KCNB2: variants seen among roughly 807,000 people sequenced by gnomAD.
KCNB2 encodes potassium voltage-gated channel subfamily B member 2, also known as delayed rectifier potassium channel protein.
KCNB2 carries 15 observed loss-of-function variants against 61.5 expected under a neutral mutation model. That is an observed-to-expected ratio of 0.24 (90% confidence interval 0.16 to 0.38). The LOEUF (loss-of-function observed/expected upper bound fraction) is 0.38. KCNB2 is among the 10% of genes least tolerant of loss of function. The pLI is 1.00. For synonymous variants in KCNB2, 457 were observed against 446.0 expected (o/e 1.02, Z -0.31); for missense variants, 828 against 1,125.2 (o/e 0.74, Z 3.78).
intron 2 of KCNB2, among the ~76,000 whole-genome samples, chr8:72,929,738 G>C (rs1014040743): frequency 6.6e-6 from 1 of 152,078 alleles, no homozygotes; most frequent in Non-Finnish European, 1.5e-5. Context: ...CCAACATCAC[G>C]CAGTTAATTG....
chr8:72,898,451 GAAA>G, intron 2 of KCNB2, among the ~76,000 whole-genome samples: 1 of 149,490 alleles, frequency 6.7e-6, no homozygotes, highest in African/African-American at 2.5e-5. Context: ...TTTAAAAAAA[GAAA>G]AAAAAACATT....
intron 2 of KCNB2, among the ~76,000 whole-genome samples, chr8:72,795,004 G>A (rs188272812): frequency 2.0e-5 from 3 of 152,220 alleles, no homozygotes; most frequent in Non-Finnish European, 1.5e-5. Context: ...TACTGGTAAT[G>A]ACAATAAGAT....
At chr8:72,724,071 C>T (rs1807593830) in intron 2 of KCNB2, among the ~76,000 whole-genome samples, 1 of 152,154 alleles carries the variant, frequency 6.6e-6, no homozygotes, top group African/African-American at 2.4e-5. Flanking sequence ...TTTCAGAGTA[C>T]CTTCCTCATA....
chr8:72,785,164 T>C (rs1808826950), intron 2 of KCNB2, among the ~76,000 whole-genome samples: 1 of 152,130 alleles, frequency 6.6e-6, no homozygotes, highest in Non-Finnish European at 1.5e-5. Context: ...ATAACCTAAA[T>C]CCACAAATAA....
chr8:72,688,925 C>A (rs998419673), intron 2 of KCNB2, among the ~76,000 whole-genome samples: 2 of 152,072 alleles, frequency 1.3e-5, no homozygotes, highest in African/African-American at 2.4e-5. Context: ...AGACGGGTTT[C>A]ACCACGTTGG....
At chr8:72,859,497 C>A (rs930302925) in intron 2 of KCNB2, among the ~76,000 whole-genome samples, 6 of 151,910 alleles carry the variant, frequency 3.9e-5, no homozygotes, top group African/African-American at 1.5e-4. Context: ...AACTCTGTAT[C>A]CCTTAGCCAT....
chr8:72,563,881 G>T (rs1012238850), intron 1 of KCNB2, among the ~76,000 whole-genome samples: 2 of 152,146 alleles, frequency 1.3e-5, no homozygotes, highest in African/African-American at 2.4e-5. Flanking sequence ...AGAACATTCT[G>T]CCCAGGGAGA....
chr8:72,925,819 G>T (rs1585979689), intron 2 of KCNB2, among the ~76,000 whole-genome samples: 1 of 152,136 alleles, frequency 6.6e-6, no homozygotes, highest in East Asian at 1.9e-4. Flanking sequence ...ACTATTCACA[G>T]TAGCAAAGAC....
At position 72,936,300 on chromosome 8, in the gene KCNB2, C is replaced by T. The variant is rs556315875; in HGVS notation, c.945C>T (p.Ala315=). ...GCATCCTCAGGATCCTGAAACTCGC[C>T]AGGCATTCGACAGGCCTGCAGTCTC... is the stretch of plus-strand genomic sequence containing the variant. ...IMRILRILKL[A]RHSTGLQSLG... Residue 315 remains alanine, a synonymous_variant, in exon 3 of 3, where the codon GCC becomes GCT. Coordinates refer to ENST00000523207, the MANE Select transcript of KCNB2 (RefSeq NM_004770.3). The surrounding 1 kb of genome is among the most constrained non-coding windows in gnomAD (Gnocchi z 5.6). The T allele has an allele frequency of 4.3e-6, 7 of 1,614,116 alleles. No individual in the cohort carries two copies. The highest frequency in any genetic ancestry group is 5.9e-6 in the Non-Finnish European group (7 of 1,180,044).
At chr8:72,692,235 C>CAA (rs34131843) in intron 2 of KCNB2, among the ~76,000 whole-genome samples, 67 of 77,524 alleles carry the variant, frequency 8.6e-4, no homozygotes, top group East Asian at 2.1e-3. Flanking sequence ...GACTCTGTCT[C>CAA]AAAAAAAAAA....
chr8:72,840,641 C>A (rs1232274244), intron 2 of KCNB2, among the ~76,000 whole-genome samples: 1 of 152,206 alleles, frequency 6.6e-6, no homozygotes, highest in East Asian at 1.9e-4. Flanking sequence ...TTTTGATTTG[C>A]ATTTCTCTAA....
chr8:72,634,682 G>A (rs1805937074), intron 2 of KCNB2, among the ~76,000 whole-genome samples: 1 of 152,182 alleles, frequency 6.6e-6, no homozygotes, highest in African/African-American at 2.4e-5. Flanking sequence ...GAACAACCAT[G>A]AAGAATGCCA....
chr8:72,677,873 A>T (rs13267872), intron 2 of KCNB2, among the ~76,000 whole-genome samples: 64,448 of 152,072 alleles, frequency 0.42, 15,559 homozygotes, highest in Non-Finnish European at 0.56. Context: ...TCATTCTTAA[A>T]TTAAAACATC....
At chr8:72,839,925 T>TA (rs747681246) in intron 2 of KCNB2, among the ~76,000 whole-genome samples, 25 of 151,576 alleles carry the variant, frequency 1.6e-4, no homozygotes, top group Admixed American at 2.6e-4. Context: ...TTTTTTTTTT[T>TA]AATACTTTAA....
At chr8:72,748,648 G>C (rs1374212517) in intron 2 of KCNB2, among the ~76,000 whole-genome samples, 1 of 138,930 alleles carries the variant, frequency 7.2e-6, no homozygotes, top group African/African-American at 2.7e-5. Flanking sequence ...CAAAAACCAT[G>C]GAGTTTTATT....
chr8:72,539,519 A>G (rs2128976284), intron 1 of KCNB2, among the ~76,000 whole-genome samples: 1 of 152,330 alleles, frequency 6.6e-6, no homozygotes, highest in East Asian at 1.9e-4. Context: ...TTTTGGAGAA[A>G]GAACTTGGCA....
chr8:72,937,543 C>A lies in KCNB2; in HGVS notation c.2188C>A (p.Pro730Thr), dbSNP rs1806946003. Residue 730 changes from proline to threonine, a missense_variant, in exon 3 of 3, where the codon CCG becomes ACG. Transcript: ENST00000523207. ...KENRGSAPQT[P>T]PSTARPLPVT... ...AAATAGAGGCAGTGCACCACAGACC[C>A]CGCCCAGCACAGCCAGGCCACTGCC... is the stretch of plus-strand genomic sequence containing the variant. 1 of 1,613,804 alleles carries A rather than the reference C, an allele frequency of 6.2e-7. No individual in the cohort carries two copies. The highest frequency in any genetic ancestry group is 8.5e-7 in the Non-Finnish European group (1 of 1,179,942).
At chr8:72,803,692 A>T (rs528449760) in intron 2 of KCNB2, among the ~76,000 whole-genome samples, 53 of 152,280 alleles carry the variant, frequency 3.5e-4, no homozygotes, top group African/African-American at 1.3e-3. Flanking sequence ...GTATCCCAAG[A>T]TTAGTTTTGG....
chr8:72,568,115 G>A lies in KCNB2; in HGVS notation c.381G>A (p.Gly127=), dbSNP rs1204626956. Residue 127 remains glycine, a synonymous_variant, in exon 2 of 3, where the codon GGG becomes GGA. Coordinates refer to ENST00000523207, the MANE Select transcript of KCNB2 (RefSeq NM_004770.3). ...LSFGQELDYW[G]IDEIYLESCC... is the part of the protein sequence containing the mutation. ...TTGGCCAAGAACTTGATTACTGGGG[G>A]ATTGATGAGATCTACTTGGAGTCCT... 6.2e-7 allele frequency: 1 copy of A among 1,614,148 alleles called. No homozygotes were observed. The highest frequency in any genetic ancestry group is 2.2e-5 in the East Asian group (1 of 44,884).
Sources: gnomAD v4.1 joint callset for allele counts (sites outside exome capture counted in the v4.1 genomes callset) on GRCh38, gnomAD v4.1.1 for gene constraint, Gnocchi (gnomAD v3.1) non-coding constraint, MANE v1.5 for transcripts, NCBI Gene and HGNC (gene_info 2026-07-23, HGNC 2026-07-21) for gene names.